AGMO: variants seen among roughly 807,000 people sequenced by gnomAD.
AGMO encodes the protein glyceryl-ether monooxygenase.
AGMO carries 75 observed loss-of-function variants against 60.2 expected under a neutral mutation model. That is an observed-to-expected ratio of 1.25 (90% CI 1.03 to 1.51). AGMO has a LOEUF of 1.51. Ranked by LOEUF, AGMO falls within the 40% of genes most tolerant of loss-of-function variation. The probability of loss-of-function intolerance (pLI) is 0.00; values close to 1 mark genes in which losing one functional copy is unlikely to be tolerated. For missense variants in AGMO, 763 were observed against 525.5 expected (o/e 1.45, Z -4.42); for synonymous variants, 261 against 177.1 (o/e 1.47, Z -3.76).
At chr7:15,535,836 T>A (rs1784472888) in intron 3 of AGMO, among the ~76,000 whole-genome samples, 1 of 151,906 alleles carries the variant, frequency 6.6e-6, no homozygotes, top group Non-Finnish European at 1.5e-5. Context: ...AATAATTAAA[T>A]TATTATTAAC....
chr7:15,292,366 A>T (rs1191221128), intron 12 of AGMO, among the ~76,000 whole-genome samples: 1 of 152,184 alleles, frequency 6.6e-6, no homozygotes, highest in Non-Finnish European at 1.5e-5. Flanking sequence ...ACTGAGAAGC[A>T]ATTACATTGT....
intron 12 of AGMO, among the ~76,000 whole-genome samples, chr7:15,209,949 T>A (rs1048958133): frequency 6.6e-6 from 1 of 152,252 alleles, no homozygotes; most frequent in South Asian, 2.1e-4. Context: ...AAAGAATATA[T>A]TTTCTCCTTT....
At chr7:15,189,677 A>G in the AGMO span, among the ~76,000 whole-genome samples, 1 of 152,060 alleles carries the variant, frequency 6.6e-6, no homozygotes, top group African/African-American at 2.4e-5. Context: ...ACAAAGTTGT[A>G]TATTGAATTT....
chr7:15,386,781 A>C (rs1300422561), intron 9 of AGMO, among the ~76,000 whole-genome samples: 1 of 152,324 alleles, frequency 6.6e-6, no homozygotes, highest in East Asian at 1.9e-4. Flanking sequence ...CTTATATTCT[A>C]AATGATTAAA....
At chr7:15,329,603 C>G (rs989655357) in intron 12 of AGMO, among the ~76,000 whole-genome samples, 2 of 152,186 alleles carry the variant, frequency 1.3e-5, no homozygotes, top group African/African-American at 4.8e-5. Flanking sequence ...GTGCCATTTT[C>G]ATATAGTTAA....
the AGMO span, among the ~76,000 whole-genome samples, chr7:15,138,773 C>T: frequency 2.2e-3 from 342 of 152,232 alleles, 5 homozygotes; most frequent in African/African-American, 7.2e-3. Flanking sequence ...AGACAAAATG[C>T]CCATGGAGCC....
the AGMO span, among the ~76,000 whole-genome samples, chr7:15,119,031 A>T: frequency 6.6e-6 from 1 of 150,780 alleles, no homozygotes; most frequent in African/African-American, 2.4e-5. Context: ...ACTAGATATG[A>T]GTGGAAAATT....
At chr7:15,252,433 A>G (rs1486459925) in intron 12 of AGMO, among the ~76,000 whole-genome samples, 1 of 152,216 alleles carries the variant, frequency 6.6e-6, no homozygotes, top group Non-Finnish European at 1.5e-5. Flanking sequence ...TTCTGTAATT[A>G]CATTACATAT....
intron 5 of AGMO, among the ~76,000 whole-genome samples, chr7:15,412,950 A>C (rs1780656345): frequency 6.6e-6 from 1 of 152,196 alleles, no homozygotes; most frequent in Non-Finnish European, 1.5e-5. Flanking sequence ...TAATATTGAC[A>C]ATAAATTACT....
the AGMO span, among the ~76,000 whole-genome samples, chr7:15,175,782 A>T: frequency 6.6e-6 from 1 of 152,004 alleles, no homozygotes; most frequent in Non-Finnish European, 1.5e-5. Flanking sequence ...TATAGATTAA[A>T]TATTATTTTC....
At chr7:15,504,867 C>A (rs574754404) in intron 3 of AGMO, among the ~76,000 whole-genome samples, 1 of 151,508 alleles carries the variant, frequency 6.6e-6, no homozygotes, top group East Asian at 1.9e-4. Context: ...CAAATCATTT[C>A]TCAATATTCC....
chr7:15,258,306 T>C (rs74378960), intron 12 of AGMO, among the ~76,000 whole-genome samples: 189 of 152,154 alleles, frequency 1.2e-3, no homozygotes, highest in African/African-American at 3.9e-3. Flanking sequence ...TACTTTTCTT[T>C]TTTTGGGGGG....
the AGMO span, among the ~76,000 whole-genome samples, chr7:15,194,455 T>C: frequency 2.3e-4 from 35 of 152,098 alleles, no homozygotes; most frequent in African/African-American, 8.2e-4. Flanking sequence ...AGAGAGTGCA[T>C]ATGCCCTCTG....
chr7:15,520,129 A>G (rs1783940445), intron 3 of AGMO, among the ~76,000 whole-genome samples: 1 of 152,220 alleles, frequency 6.6e-6, no homozygotes. Context: ...AAAGGCATCA[A>G]TGCAACAAGA....
At chr7:15,336,542 T>C (rs544087636) in intron 12 of AGMO, among the ~76,000 whole-genome samples, 2 of 152,322 alleles carry the variant, frequency 1.3e-5, no homozygotes, top group South Asian at 4.1e-4. Context: ...GAAGATATTT[T>C]ACACAATTGC....
chr7:15,351,458 G>A (rs907848816), intron 12 of AGMO, among the ~76,000 whole-genome samples: 8 of 152,096 alleles, frequency 5.3e-5, no homozygotes, highest in Non-Finnish European at 7.4e-5. Context: ...ATTTCTTAAA[G>A]GCATGAGTGA....
intron 5 of AGMO, among the ~76,000 whole-genome samples, chr7:15,418,300 T>G (rs976890274): frequency 5.3e-5 from 8 of 152,100 alleles, no homozygotes; most frequent in Admixed American, 5.2e-4. Flanking sequence ...GATATTGTAT[T>G]GAATATAGTA....
chr7:15,261,811 G>C (rs951438143), intron 12 of AGMO, among the ~76,000 whole-genome samples: 1 of 152,014 alleles, frequency 6.6e-6, no homozygotes, highest in Non-Finnish European at 1.5e-5. Flanking sequence ...CCATGATCAA[G>C]TGGGTTTCAT....
At chr7:15,408,941 A>G (rs528172515) in intron 5 of AGMO, among the ~76,000 whole-genome samples, 6 of 151,920 alleles carry the variant, frequency 3.9e-5, no homozygotes, top group Admixed American at 2.6e-4. Context: ...TGAAGAATGT[A>G]TGGAATAATA....
Sources: allele counts gnomAD v4.1 joint callset (sites outside exome capture counted in the v4.1 genomes callset), GRCh38; gene constraint gnomAD v4.1.1; transcripts MANE v1.5; gene names NCBI Gene and HGNC (gene_info 2026-07-23, HGNC 2026-07-21).